The following MAPK10 variants were observed in gnomAD, a reference collection of about 807,000 sequenced individuals.
The protein encoded by MAPK10 is mitogen-activated protein kinase 10, also known as JNK3 alpha protein kinase.
Under a neutral mutation model 59.3 loss-of-function variants are expected in MAPK10, and 25 were observed. The ratio of observed to expected loss-of-function variants is 0.42; its 90% CI spans 0.31 to 0.59. The LOEUF is 0.59. Among genes scored for constraint, MAPK10 ranks in the 20% least tolerant of loss-of-function variants. The pLI is 0.15. For synonymous variants in MAPK10, 190 were observed against 200.5 expected, an observed-to-expected ratio of 0.95 and a Z score of 0.44; for missense variants, 351 against 568.9, an observed-to-expected ratio of 0.62 and a Z score of 3.90.
At chr4:86,465,794 C>G (rs1488732542) in intron 1 of MAPK10, among the ~76,000 whole-genome samples, 2 of 152,172 alleles carry the variant, frequency 1.3e-5, no homozygotes, top group Non-Finnish European at 2.9e-5. Context: ...CCCCCAGTTA[C>G]AGCCATGTTG....
intron 3 of MAPK10, chr4:86,193,968 C>G (rs1016924633): frequency 4.4e-6 from 1 of 225,912 alleles, no homozygotes; most frequent in Non-Finnish European, 8.8e-6. Flanking sequence ...CCTCATGGCA[C>G]AGTTCCTCAT....
intron 2 of MAPK10, among the ~76,000 whole-genome samples, chr4:86,303,749 C>T (rs540282367): frequency 4.6e-5 from 7 of 152,266 alleles, no homozygotes; most frequent in South Asian, 2.1e-4. Flanking sequence ...AAAATGAACA[C>T]GTGTCAAATA....
intron 4 of MAPK10, among the ~76,000 whole-genome samples, chr4:86,158,518 A>G (rs2149226524): frequency 6.6e-6 from 1 of 151,992 alleles, no homozygotes; most frequent in South Asian, 2.1e-4. Context: ...ATAAATACAC[A>G]TATATAAATA....
intron 1 of MAPK10, among the ~76,000 whole-genome samples, chr4:86,475,679 G>A (rs540558695): frequency 5.3e-5 from 8 of 152,128 alleles, no homozygotes; most frequent in Non-Finnish European, 1.0e-4. Flanking sequence ...CACCCTTAAC[G>A]GCAAGTACTG....
intron 2 of MAPK10, among the ~76,000 whole-genome samples, chr4:86,298,247 G>A (rs1360159769): frequency 6.6e-6 from 1 of 152,010 alleles, no homozygotes; most frequent in African/African-American, 2.4e-5. Context: ...CCAATAGTTT[G>A]TAGACATTTC....
At chr4:86,267,219 T>C (rs2094279332) in intron 2 of MAPK10, among the ~76,000 whole-genome samples, 1 of 152,218 alleles carries the variant, frequency 6.6e-6, no homozygotes, top group Non-Finnish European at 1.5e-5. Flanking sequence ...AATATTTCCA[T>C]TTGATTATGG....
At chr4:86,523,485 C>T (rs1386753871) in intron 1 of MAPK10, among the ~76,000 whole-genome samples, 1 of 152,202 alleles carries the variant, frequency 6.6e-6, no homozygotes, top group African/African-American at 2.4e-5. Flanking sequence ...TGGTAAGTTT[C>T]CACTGTGGTA....
At chr4:86,317,494 T>C (rs2095811390) in intron 2 of MAPK10, among the ~76,000 whole-genome samples, 1 of 152,364 alleles carries the variant, frequency 6.6e-6, no homozygotes, top group Middle Eastern at 3.4e-3. Context: ...TACAGTGCCA[T>C]ATTATCTATT....
intron 9 of MAPK10, among the ~76,000 whole-genome samples, chr4:86,073,674 G>T (rs1322305013): frequency 2.7e-5 from 3 of 112,420 alleles, no homozygotes; most frequent in Non-Finnish European, 1.9e-5. Flanking sequence ...TCAGGAGCAG[G>T]TTGTTCAGTT....
In MAPK10 at chr4:86,111,184, G is replaced by T. The variant is rs534618451; in HGVS notation, c.237-3832C>A. ...TGCCACCTGCAAACAAAGACAATTT[G>T]ATTTCCTCTCTTCTTATTTGAATAT... On this transcript the variant is annotated intron_variant, in intron 4 of 13. Transcript: ENST00000641462. Among the ~76,000 whole-genome samples, 11 of 152,244 alleles carry T rather than the reference G, an allele frequency of 7.2e-5. No individual in the cohort carries two copies. The East Asian group carries it at 2.1e-3, about 29-fold the overall frequency.
At chr4:86,422,952 C>T (rs1280836459) in intron 1 of MAPK10, among the ~76,000 whole-genome samples, 1 of 152,072 alleles carries the variant, frequency 6.6e-6, no homozygotes, top group Non-Finnish European at 1.5e-5. Context: ...TGCTAATGGA[C>T]TTTATGATGG....
chr4:86,455,554 A>T (rs540098069), upstream of MAPK10, among the ~76,000 whole-genome samples: 16 of 152,348 alleles, frequency 1.1e-4, no homozygotes, highest in African/African-American at 3.8e-4. Flanking sequence ...GTTTAGAAAG[A>T]CAAAGAGGGT....
chr4:86,372,353 CT>C (rs1738896119), intron 1 of MAPK10, among the ~76,000 whole-genome samples: 1 of 151,702 alleles, frequency 6.6e-6, no homozygotes, highest in Admixed American at 6.6e-5. Flanking sequence ...CCTGTCTTTA[CT>C]AAAATACAAA....
intron 4 of MAPK10, among the ~76,000 whole-genome samples, chr4:86,118,192 A>G (rs2058589608): frequency 6.6e-6 from 1 of 152,322 alleles, no homozygotes; most frequent in South Asian, 2.1e-4. Flanking sequence ...TAGCAAATAC[A>G]TCTGCAAATT....
chr4:86,398,279 T>G (rs971175213), intron 1 of MAPK10, among the ~76,000 whole-genome samples: 1 of 151,868 alleles, frequency 6.6e-6, no homozygotes, highest in Non-Finnish European at 1.5e-5. Context: ...ATCTGGTAGA[T>G]AATTATCACT....
At chr4:86,106,548 A>C (rs1469772801) in intron 5 of MAPK10, among the ~76,000 whole-genome samples, 3 of 151,486 alleles carry the variant, frequency 2.0e-5, no homozygotes, top group Non-Finnish European at 2.9e-5. Flanking sequence ...GAAGAAGTGG[A>C]GCACAGAAAG....
At chr4:86,381,437 C>T (rs893592563) in intron 1 of MAPK10, among the ~76,000 whole-genome samples, 8 of 152,100 alleles carry the variant, frequency 5.3e-5, no homozygotes, top group African/African-American at 7.2e-5. Context: ...GTGCAGGTCC[C>T]GGGCCTATTT....
chr4:86,514,962 C>T lies in MAPK10; in HGVS notation c.-263+78948G>A, dbSNP rs180860451. 2.1e-3 allele frequency among the ~76,000 whole-genome samples: 326 copies of T among 152,270 alleles called. 3 individuals are homozygous for T. Among genetic ancestry groups the T allele is most frequent in the African/African-American group, 7.1e-3 (294 of 41,562 alleles). On this transcript the variant is annotated intron_variant, in intron 1 of 4. Coordinates refer to the MAPK10 transcript ENST00000502302. ...GCACCCATCACCTGAGCAGTGTACA[C>T]TGTGCCCAATGTGTAGTCTTTTATT... is the stretch of plus-strand genomic sequence containing the variant.
At chr4:86,292,810 T>C (rs1052028611) in intron 2 of MAPK10, among the ~76,000 whole-genome samples, 2 of 152,182 alleles carry the variant, frequency 1.3e-5, no homozygotes, top group African/African-American at 4.8e-5. Context: ...GGAGATGATA[T>C]TGAGTATGGG....
Sources: gnomAD v4.1 joint callset for allele counts (sites outside exome capture counted in the v4.1 genomes callset) on GRCh38, gnomAD v4.1.1 for gene constraint, MANE v1.5 for transcripts, NCBI Gene and HGNC (gene_info 2026-07-23, HGNC 2026-07-21) for gene names.